The following ABI1 variants were observed in gnomAD, a reference collection of about 807,000 sequenced individuals.
ABI1 encodes the protein abl interactor 1, also known as Abelson interactor 1.
A neutral mutation model predicts 54.6 loss-of-function variants in ABI1; 14 were observed. The ratio of observed to expected loss-of-function variants is 0.26; its 90% CI spans 0.17 to 0.40. The LOEUF (loss-of-function observed/expected upper bound fraction) is 0.40, where lower values mean the gene tolerates loss of function less well. Among genes scored for constraint, ABI1 ranks in the 10% least tolerant of loss-of-function variants. ABI1 has a pLI of 1.00. For synonymous variants in ABI1, 194 were observed against 209.3 expected (o/e 0.93, Z 0.63); for missense variants, 443 against 598.3 (o/e 0.74, Z 2.71).
At chr10:26,791,087 A>AAAAC (rs1843384594) in intron 2 of ABI1, among the ~76,000 whole-genome samples, 2 of 145,166 alleles carry the variant, frequency 1.4e-5, no homozygotes, top group Non-Finnish European at 1.5e-5. Flanking sequence ...AAAAAAAAAA[A>AAAAC]AAAACAGAGC....
chr10:26,853,840 C>G (rs1243284269), intron 1 of ABI1, among the ~76,000 whole-genome samples: 1 of 152,116 alleles, frequency 6.6e-6, no homozygotes, highest in Non-Finnish European at 1.5e-5. Context: ...CCACGCCCAG[C>G]CTTTACCTTA....
chr10:26,821,721 C>A (rs1234435064), intron 2 of ABI1, among the ~76,000 whole-genome samples: 2 of 151,614 alleles, frequency 1.3e-5, no homozygotes, highest in African/African-American at 2.4e-5. Flanking sequence ...ATTGCTTGGA[C>A]CCAGGAGGCG....
chr10:26,853,323 C>A (rs2050554171), intron 1 of ABI1, among the ~76,000 whole-genome samples: 1 of 149,306 alleles, frequency 6.7e-6, no homozygotes. Flanking sequence ...AAAAAAAATC[C>A]CTTTTTTCTA....
intron 1 of ABI1, among the ~76,000 whole-genome samples, chr10:26,832,067 C>T (rs2048711486): frequency 6.6e-6 from 1 of 152,082 alleles, no homozygotes; most frequent in Admixed American, 6.6e-5. Context: ...GTTACGGGTG[C>T]AATAATCCAG....
At chr10:26,858,293 G>T (rs1042815906) in intron 1 of ABI1, among the ~76,000 whole-genome samples, 1 of 152,038 alleles carries the variant, frequency 6.6e-6, no homozygotes, top group Admixed American at 6.6e-5. Flanking sequence ...CCCATTCTTA[G>T]CACCAAAGTC....
chr10:26,761,235 G>A (rs1588774335), intron 7 of ABI1, among the ~76,000 whole-genome samples: 3 of 152,074 alleles, frequency 2.0e-5, no homozygotes, highest in Admixed American at 6.6e-5. Context: ...ACCACTCCCA[G>A]CCAACCATTT....
chr10:26,839,682 G>A, intron 1 of ABI1: 1 of 651,220 alleles, frequency 1.5e-6, no homozygotes, highest in Non-Finnish European at 2.7e-6. Context: ...CAGGCTTGGT[G>A]GCTCACACCT....
At chr10:26,748,891 G>T (rs1837256564) in intron 10 of ABI1, 146 bp from the exon 11 acceptor site, 2 of 640,464 alleles carry the variant, frequency 3.1e-6, no homozygotes, top group Non-Finnish European at 5.3e-6. Flanking sequence ...ATATAAGTAG[G>T]TCAGTGGCCA....
intron 2 of ABI1, among the ~76,000 whole-genome samples, chr10:26,792,023 G>A (rs1023173870): frequency 9.9e-5 from 15 of 152,138 alleles, no homozygotes; most frequent in African/African-American, 3.6e-4. Flanking sequence ...CATACAGGAT[G>A]AATCCATTGT....
At chr10:26,826,930 T>C (rs1409815878) in intron 1 of ABI1, among the ~76,000 whole-genome samples, 1 of 152,166 alleles carries the variant, frequency 6.6e-6, no homozygotes, top group Non-Finnish European at 1.5e-5. Flanking sequence ...TTTTTCTTTT[T>C]TGAGACGGAG....
intron 2 of ABI1, among the ~76,000 whole-genome samples, chr10:26,818,612 A>G (rs962052617): frequency 7.0e-6 from 1 of 142,828 alleles, no homozygotes; most frequent in African/African-American, 2.7e-5. Context: ...AGCCTGGACA[A>G]CAAAGCGAGA....
At chr10:26,842,195 C>T (rs994378640) in intron 1 of ABI1, among the ~76,000 whole-genome samples, 2 of 152,174 alleles carry the variant, frequency 1.3e-5, no homozygotes, top group African/African-American at 2.4e-5. Context: ...TGTTGAGTAC[C>T]TTTTCATATA....
Position 26,860,696 on chromosome 10 carries a change from C to G in ABI1, c.117+51G>C. ...CACCCCGCCCAGTGGGCTGGTCACTCCGGCGGGTCCTCGACCCGGCCAGCG... is the reference window on the plus strand; with the variant it reads ...CACCCCGCCCAGTGGGCTGGTCACTGCGGCGGGTCCTCGACCCGGCCAGCG... On this transcript the variant is annotated intron_variant, in intron 1 of 10. Transcript: ENST00000376140. The surrounding 1 kb of genome is among the most constrained non-coding windows in gnomAD (Gnocchi z 4.1). The G allele has an allele frequency of 6.8e-7, 1 of 1,475,868 alleles. No homozygotes were observed. Among genetic ancestry groups the G allele is most frequent in the Non-Finnish European group, 9.5e-7 (1 of 1,057,150 alleles). 91.4% of individuals were successfully genotyped at this position (1,475,868 alleles called of 1,614,324 possible).
In ABI1 at chr10:26,828,233, CA is replaced by C. The variant is rs377756611; in HGVS notation, c.118-4929del. On this transcript the variant is annotated intron_variant, in intron 1 of 10. Coordinates refer to ENST00000376140, the MANE Select transcript of ABI1 (RefSeq NM_001012750.3). ...TTGGTGGTACAGTCAGAACATACAA[CA>C]ATTACTAAGTTCACCATCTCACATG... Among the ~76,000 whole-genome samples the C allele has an allele frequency of 2.8e-3, 432 of 152,298 alleles. 2 individuals carry two copies. The highest frequency in any genetic ancestry group is 7.5e-3 in the Admixed American group (114 of 15,296).
intron 2 of ABI1, among the ~76,000 whole-genome samples, chr10:26,800,557 G>A (rs774176880): frequency 1.3e-4 from 19 of 151,912 alleles, no homozygotes; most frequent in Non-Finnish European, 2.5e-4. Context: ...GTGGGAGGAT[G>A]GTTGAACCCT....
chr10:26,851,288 T>A (rs539199703), intron 1 of ABI1, among the ~76,000 whole-genome samples: 8 of 150,044 alleles, frequency 5.3e-5, no homozygotes, highest in Non-Finnish European at 1.0e-4. Flanking sequence ...CTCAAACTCC[T>A]GGGCTCAAGT....
intron 2 of ABI1, among the ~76,000 whole-genome samples, chr10:26,781,676 G>A (rs6482575): frequency 2.0e-5 from 3 of 151,990 alleles, no homozygotes; most frequent in African/African-American, 7.3e-5. Context: ...AACTGCCTAG[G>A]TATTTAGTCA....
At chr10:26,821,935 T>C (rs2048012385) in intron 2 of ABI1, among the ~76,000 whole-genome samples, 1 of 152,154 alleles carries the variant, frequency 6.6e-6, no homozygotes, top group Admixed American at 6.5e-5. Context: ...CAGAATAGGC[T>C]TGTATCCACA....
At chr10:26,837,261 T>G (rs2049143893) in intron 1 of ABI1, among the ~76,000 whole-genome samples, 1 of 152,150 alleles carries the variant, frequency 6.6e-6, no homozygotes, top group African/African-American at 2.4e-5. Flanking sequence ...AGCAAGGGAT[T>G]TCTTCTTGGC....
Sources: gnomAD v4.1 joint callset for allele counts (sites outside exome capture counted in the v4.1 genomes callset) on GRCh38, gnomAD v4.1.1 for gene constraint, Gnocchi (gnomAD v3.1) non-coding constraint, MANE v1.5 for transcripts, NCBI Gene and HGNC (gene_info 2026-07-23, HGNC 2026-07-21) for gene names.